The following METTL1 variants were observed in gnomAD, a reference collection of about 807,000 sequenced individuals.
METTL1 encodes methyltransferase 1, tRNA methylguanosine, also known as tRNA (guanine-N(7)-)-methyltransferase.
In METTL1, 14 loss-of-function variants were observed where a neutral mutation model predicts 27.7. That is an observed-to-expected ratio of 0.51 (90% confidence interval 0.33 to 0.79). METTL1 has a LOEUF of 0.79. Ranked by LOEUF, METTL1 falls within the 30% of genes least tolerant of loss-of-function variation. The probability of loss-of-function intolerance (pLI) is 0.02; values close to 1 mark genes in which losing one functional copy is unlikely to be tolerated. For synonymous variants in METTL1, 138 were observed against 137.0 expected (o/e 1.01, Z -0.05); for missense variants, 333 against 359.6 (o/e 0.93, Z 0.60).
intron 1 of METTL1, chr12:57,771,588 C>T: frequency 2.0e-6 from 3 of 1,535,388 alleles, no homozygotes; most frequent in Non-Finnish European, 2.6e-6. Context: ...CACTGGGATC[C>T]TACTTTGTGT....
rs1352481067 is a variant in METTL1 at position 57,769,677 on chromosome 12, A to G, written c.461T>C (p.Leu154Pro). ...HLPNFFYKGQ[L>P]TKMFFLFPDP... ...GGGGAAGAGGAAGAACATCTTTGTC[A>G]GCTGTGAGACAGACACACACCAACA... is the stretch of plus-strand genomic sequence containing the variant. The change falls in exon 4 of 6, where the codon CTG (leucine) becomes CCG (proline). Residue 154 changes from leucine to proline, a missense_variant and splice_region_variant. Leu to Pro is a moderately conservative substitution (Grantham distance 98). Transcript: ENST00000324871. 15 of 1,575,180 alleles carry G rather than the reference A, an allele frequency of 9.5e-6. No homozygotes were observed. Among genetic ancestry groups the G allele is most frequent in the Non-Finnish European group, 1.3e-5 (15 of 1,157,314 alleles).
chr12:57,770,800 G>A (rs1158353589), intron 2 of METTL1: 2 of 293,448 alleles, frequency 6.8e-6, no homozygotes, highest in Admixed American at 4.4e-5. Flanking sequence ...GCTAATCTCT[G>A]ATGCTTGTGC....
chr12:57,771,596 T>C (rs1213980408), intron 1 of METTL1: 2 of 1,535,204 alleles, frequency 1.3e-6, no homozygotes, highest in Admixed American at 2.0e-5. Context: ...TCCTACTTTG[T>C]GTTTGTGCTC....
intron 2 of METTL1, 108 bp downstream of exon 2, chr12:57,770,986 G>T (rs923464582): frequency 8.3e-7 from 1 of 1,201,108 alleles, no homozygotes; most frequent in Admixed American, 2.3e-5. Flanking sequence ...GATGTCACCA[G>T]TGTCTGGACG....
Position 57,768,667 on chromosome 12 carries a change from A to C in METTL1, c.*329T>G. 1 of 291,216 alleles carries C rather than the reference A, an allele frequency of 3.4e-6. No homozygotes were observed. The highest frequency in any genetic ancestry group is 6.5e-6 in the Non-Finnish European group (1 of 154,508). The allele number at this position is 291,216 out of a possible 1,614,324, so 18.0% of individuals were successfully genotyped here. On this transcript the variant is annotated 3_prime_UTR_variant, in exon 6 of 6. Coordinates refer to ENST00000324871, the MANE Select transcript of METTL1 (RefSeq NM_005371.6). ...CTAGCAAGCAGTTTAGATGGACTACATTCCTCATTCCAGCTGAGGAGAGAT... is the reference window on the plus strand; with the variant it reads ...CTAGCAAGCAGTTTAGATGGACTACCTTCCTCATTCCAGCTGAGGAGAGAT...
intron 1 of METTL1, chr12:57,771,600 T>C (rs1388270898): frequency 1.3e-6 from 2 of 1,535,342 alleles, no homozygotes; most frequent in Non-Finnish European, 1.7e-6. Flanking sequence ...ACTTTGTGTT[T>C]GTGCTCTGCG....
chr12:57,771,962 C>A lies in METTL1; in HGVS notation c.110+12G>T. 6.6e-7 allele frequency: 1 copy of A among 1,506,658 alleles called. No individual in the cohort carries two copies. 93.3% of individuals were successfully genotyped at this position (1,506,658 alleles called of 1,614,324 possible). A position where few individuals can be genotyped will look rare whatever the true frequency, so the allele number is the denominator to read the frequency against. On this transcript the variant is annotated intron_variant, in intron 1 of 5. Coordinates refer to ENST00000324871, the MANE Select transcript of METTL1 (RefSeq NM_005371.6). ...TCCCGCCCTCCTCTCTCTCCCTCTG[C>A]CCACTCCTCACTAGCGCAGCGTGTG... is the stretch of plus-strand genomic sequence containing the variant.
rs995455744 is a variant in METTL1, at chr12:57,771,977, C to T, written c.107G>A (p.Arg36His). Residue 36 changes from arginine to histidine, a missense_variant, in exon 1 of 6, where the codon CGC becomes CAC. Arg to His is a conservative substitution (Grantham distance 29). Coordinates refer to ENST00000324871, the MANE Select transcript of METTL1 (RefSeq NM_005371.6). ...HSNPMADHTLRYPVKPEEMDW... is the reference protein window; with the variant it reads ...HSNPMADHTLHYPVKPEEMDW... ...TCTCCCTCTGCCCACTCCTCACTAGCGCAGCGTGTGGTCCGCCATGGGGTT... is the reference window on the plus strand; with the variant it reads ...TCTCCCTCTGCCCACTCCTCACTAGTGCAGCGTGTGGTCCGCCATGGGGTT... 2 of 1,518,910 alleles carry T rather than the reference C, an allele frequency of 1.3e-6. No homozygotes were observed. The highest frequency in any genetic ancestry group is 2.5e-5 in the Admixed American group (1 of 40,652). 94.1% of individuals were successfully genotyped at this position (1,518,910 alleles called of 1,614,324 possible). A position where few individuals can be genotyped will look rare whatever the true frequency, so the allele number is the denominator to read the frequency against.
chr12:57,771,946 CCTCT>C (rs748227478), intron 1 of METTL1, 24 bp downstream of exon 1: 33 of 1,489,016 alleles, frequency 2.2e-5, no homozygotes, highest in Middle Eastern at 2.4e-4. Context: ...ATCCCGCCCT[CCTCT>C]CTCTCCCTCT....
chr12:57,771,717 A>C lies in METTL1; in HGVS notation c.110+257T>G, dbSNP rs565700614. Reference sequence around the variant, plus strand: ...ATGGAAACGACATTCTGCCTCTATCACTTCAGTCTCAGTAACAATTTATTT... The same window carrying C: ...ATGGAAACGACATTCTGCCTCTATCCCTTCAGTCTCAGTAACAATTTATTT... On this transcript the variant is annotated intron_variant, in intron 1 of 5. Coordinates refer to ENST00000324871, the MANE Select transcript of METTL1 (RefSeq NM_005371.6). The C allele has an allele frequency of 2.1e-5, 30 of 1,432,208 alleles. 1 individual carries two copies. The South Asian group carries it at 3.6e-4, about 17-fold the overall frequency. 88.7% of individuals were successfully genotyped at this position (1,432,208 alleles called of 1,614,324 possible). A position where few individuals can be genotyped will look rare whatever the true frequency, so the allele number is the denominator to read the frequency against.
At position 57,772,073 on chromosome 12, in the gene METTL1, TCGG is replaced by T; in HGVS notation, c.8_10del (p.Ala3del). The T allele has an allele frequency of 6.4e-7, 1 of 1,562,502 alleles. No individual in the cohort carries two copies. The highest frequency in any genetic ancestry group is 1.2e-5 in the South Asian group (1 of 83,764). On this transcript the variant is annotated inframe_deletion, in exon 1 of 6. Coordinates refer to ENST00000324871, the MANE Select transcript of METTL1 (RefSeq NM_005371.6). The surrounding 1 kb of genome is among the most constrained non-coding windows in gnomAD (Gnocchi z 4.1). ...CTCTGCTCCGGCCACGTTCCGAGTCTCGGCTGCCATGATCCCAGTCCGGGGTTT... is the reference window on the plus strand; with the variant it reads ...CTCTGCTCCGGCCACGTTCCGAGTCTCTGCCATGATCCCAGTCCGGGGTTT...
intron 4 of METTL1, 77 bp from the exon 5 acceptor site, chr12:57,769,481 T>A: frequency 4.4e-6 from 7 of 1,588,884 alleles, no homozygotes; most frequent in Non-Finnish European, 6.0e-6. Context: ...GTGGTGTGAG[T>A]CCCTAAATGC....
intron 1 of METTL1, 79 bp from the exon 2 acceptor site, chr12:57,771,336 G>T (rs768091455): frequency 3.3e-6 from 5 of 1,499,178 alleles, no homozygotes; most frequent in African/African-American, 1.4e-5. Flanking sequence ...GTGTGTGGGT[G>T]GGTGAGGGTG....
chr12:57,769,700 A>G (rs770710008), intron 3 of METTL1, 22 bp from the exon 4 acceptor site: 1 of 1,599,876 alleles, frequency 6.3e-7, no homozygotes, highest in East Asian at 2.2e-5. Context: ...ACACACACCA[A>G]CAGGGTTGTG....
chr12:57,771,464 G>A (rs1955430291), intron 1 of METTL1: 1 of 1,489,204 alleles, frequency 6.7e-7, no homozygotes, highest in Non-Finnish European at 8.9e-7. Flanking sequence ...CCATCATGAG[G>A]CCCATAAACG....
In METTL1 at chr12:57,771,968, C is replaced by A. The variant is rs758465062; in HGVS notation, c.110+6G>T. ...CCTCCTCTCTCTCCCTCTGCCCACT[C>A]CTCACTAGCGCAGCGTGTGGTCCGC... is the stretch of plus-strand genomic sequence containing the variant. On this transcript the variant is annotated splice_donor_region_variant and intron_variant, in intron 1 of 5. Coordinates refer to ENST00000324871, the MANE Select transcript of METTL1 (RefSeq NM_005371.6). 14 of 1,513,478 alleles carry A rather than the reference C, an allele frequency of 9.3e-6. No individual in the cohort carries two copies. The Admixed American group carries it at 3.5e-4, about 37-fold the overall frequency. 93.8% of individuals were successfully genotyped at this position (1,513,478 alleles called of 1,614,324 possible). A position where few individuals can be genotyped will look rare whatever the true frequency, so the allele number is the denominator to read the frequency against.
rs1565813788 is a variant in METTL1, at chr12:57,769,753, C to G, written c.459+19G>C. On this transcript the variant is annotated intron_variant, in intron 3 of 5. Coordinates refer to ENST00000324871, the MANE Select transcript of METTL1 (RefSeq NM_005371.6). Reference sequence around the variant, plus strand: ...CCCCCACCTGCCTACCAGCCTAACCCACCAGGGCCCCTCCCCACCTGGCCC... The same window carrying G: ...CCCCCACCTGCCTACCAGCCTAACCGACCAGGGCCCCTCCCCACCTGGCCC... 9 of 1,613,672 alleles carry G rather than the reference C, an allele frequency of 5.6e-6. No individual in the cohort carries two copies. Among genetic ancestry groups the G allele is most frequent in the Non-Finnish European group, 7.6e-6 (9 of 1,179,616 alleles).
rs778368951 is a variant in METTL1 at position 57,769,868 on chromosome 12, C to A, written c.363G>T (p.Arg121=). 2.5e-6 allele frequency: 4 copies of A among 1,614,032 alleles called. No homozygotes were observed. In the East Asian group the frequency reaches 8.9e-5, roughly 36 times the overall value. ...KVSDYVQDRI[R]ALRAAPAGGF... is the part of the protein sequence containing the mutation. Reference sequence around the variant, plus strand: ...CACCTGCAGGAGCTGCGCGTAGGGCCCGAATCCGGTCTTGTACATAGTCTG... The same window carrying A: ...CACCTGCAGGAGCTGCGCGTAGGGCACGAATCCGGTCTTGTACATAGTCTG... Residue 121 remains arginine (R), a synonymous_variant, in exon 3 of 6, where the codon CGG becomes CGT. Transcript: ENST00000324871.
At position 57,772,007 on chromosome 12, in the gene METTL1, T is replaced by C; in HGVS notation, c.77A>G (p.His26Arg). The C allele has an allele frequency of 6.5e-7, 1 of 1,549,616 alleles. No individual in the cohort carries two copies. Among genetic ancestry groups the C allele is most frequent in the Non-Finnish European group, 8.6e-7 (1 of 1,156,286 alleles). ...CGTGTGGTCCGCCATGGGGTTGGAG[T>C]GAGCACGTTGCCGGTAGTAGCGCTT... Reference protein sequence around the residue: ...PQKRYYRQRAHSNPMADHTLR... With the variant: ...PQKRYYRQRARSNPMADHTLR... The change falls in exon 1 of 6, where the codon CAC becomes CGC. Residue 26 changes from histidine (H) to arginine (R), a missense_variant. Physicochemically the swap from His to Arg is conservative, Grantham distance 29. Coordinates refer to ENST00000324871, the MANE Select transcript of METTL1 (RefSeq NM_005371.6). This position sits in a 1 kb window ranked among gnomAD's most constrained non-coding sequence, Gnocchi z 4.1.
Sources: allele counts gnomAD v4.1 joint callset, GRCh38; gene constraint gnomAD v4.1.1; non-coding constraint Gnocchi (gnomAD v3.1); transcripts MANE v1.5; gene names NCBI Gene and HGNC (gene_info 2026-07-23, HGNC 2026-07-21).